Variants in RAD51B observed in about 807,000 individuals in gnomAD.
RAD51B encodes the protein DNA repair protein RAD51 homolog 2.
RAD51B carries 38 observed loss-of-function variants against 42.2 expected under a neutral mutation model. That is an observed-to-expected ratio of 0.90 (90% confidence interval 0.70 to 1.18). The LOEUF (loss-of-function observed/expected upper bound fraction) is 1.18. Among genes scored for constraint, RAD51B ranks in the 50% most tolerant of loss-of-function variants. The pLI is 0.00. For synonymous variants in RAD51B, 154 were observed against 145.2 expected (o/e 1.06, Z -0.43); for missense variants, 373 against 400.7 (o/e 0.93, Z 0.59).
intron 7 of RAD51B, among the ~76,000 whole-genome samples, chr14:68,230,994 G>C (rs1303893095): frequency 6.6e-6 from 1 of 152,184 alleles, no homozygotes; most frequent in Non-Finnish European, 1.5e-5. Flanking sequence ...GAGTTGTGTA[G>C]ACTGACAGGA....
intron 8 of RAD51B, among the ~76,000 whole-genome samples, chr14:68,348,052 A>C (rs551827054): frequency 6.6e-6 from 1 of 152,160 alleles, no homozygotes; most frequent in Admixed American, 6.5e-5. Flanking sequence ...TTGGCACCCA[A>C]TGGTACCAAG....
chr14:68,543,677 C>T (rs889772804), intron 10 of RAD51B, among the ~76,000 whole-genome samples: 1 of 152,194 alleles, frequency 6.6e-6, no homozygotes, highest in Non-Finnish European at 1.5e-5. Flanking sequence ...TGTTTTGGCC[C>T]ACAGCTTCGA....
At chr14:68,071,571 TG>T (rs1293109659) in intron 7 of RAD51B, among the ~76,000 whole-genome samples, 1 of 152,170 alleles carries the variant, frequency 6.6e-6, no homozygotes, top group African/African-American at 2.4e-5. Context: ...TATTGATTTG[TG>T]TATGTTAAAC....
intron 8 of RAD51B, among the ~76,000 whole-genome samples, chr14:68,399,181 G>C (rs530931255): frequency 1.6e-4 from 25 of 151,910 alleles, no homozygotes; most frequent in African/African-American, 5.6e-4. Flanking sequence ...GGGGGGGAAG[G>C]AGAGTTCAAA....
At chr14:68,448,388 C>T (rs1010720665) in intron 9 of RAD51B, among the ~76,000 whole-genome samples, 2 of 152,142 alleles carry the variant, frequency 1.3e-5, no homozygotes, top group African/African-American at 4.8e-5. Flanking sequence ...AGCAAGGAAG[C>T]GAGTGTTTTT....
intron 10 of RAD51B, among the ~76,000 whole-genome samples, chr14:68,642,978 T>C (rs1595043637): frequency 7.8e-6 from 1 of 128,602 alleles, no homozygotes; most frequent in Admixed American, 7.7e-5. Context: ...TGATTTCTAT[T>C]ATTTTAAATA....
chr14:68,459,291 G>A (rs982172245), intron 9 of RAD51B, among the ~76,000 whole-genome samples: 3 of 152,166 alleles, frequency 2.0e-5, no homozygotes, highest in Non-Finnish European at 2.9e-5. Context: ...AGACTAACTG[G>A]TTTGTTTGCC....
At chr14:68,124,339 A>T (rs1305557003) in intron 7 of RAD51B, among the ~76,000 whole-genome samples, 4 of 152,186 alleles carry the variant, frequency 2.6e-5, no homozygotes, top group African/African-American at 9.7e-5. Flanking sequence ...GCACAATAGT[A>T]TTGGTACCTG....
chr14:68,073,527 G>C (rs2076786865), intron 7 of RAD51B, among the ~76,000 whole-genome samples: 1 of 152,054 alleles, frequency 6.6e-6, no homozygotes, highest in Non-Finnish European at 1.5e-5. Flanking sequence ...TTTTCTTCAT[G>C]GTTAATATTG....
intron 9 of RAD51B, among the ~76,000 whole-genome samples, chr14:68,434,450 C>T (rs1266463956): frequency 1.3e-5 from 2 of 152,218 alleles, no homozygotes; most frequent in Admixed American, 1.3e-4. Flanking sequence ...ATGGCAGGTG[C>T]CTCTCCCCCA....
chr14:68,367,595 A>G (rs2083168907), intron 8 of RAD51B, among the ~76,000 whole-genome samples: 1 of 152,208 alleles, frequency 6.6e-6, no homozygotes, highest in Admixed American at 6.5e-5. Context: ...AGTGGGGAAA[A>G]TCCAGAGGAG....
At chr14:68,601,654 C>A (rs1891223195) in intron 10 of RAD51B, among the ~76,000 whole-genome samples, 1 of 152,134 alleles carries the variant, frequency 6.6e-6, no homozygotes, top group South Asian at 2.1e-4. Context: ...CTCAGCTCTG[C>A]CGCCATTCAT....
intron 7 of RAD51B, among the ~76,000 whole-genome samples, chr14:67,910,111 AT>A (rs1307662207): frequency 2.0e-5 from 3 of 152,124 alleles, no homozygotes; most frequent in African/African-American, 7.2e-5. Flanking sequence ...TTTCTTCAAC[AT>A]TTTAGCCTTT....
chr14:68,091,734 G>T (rs12881227), intron 7 of RAD51B, among the ~76,000 whole-genome samples: 43 of 152,182 alleles, frequency 2.8e-4, no homozygotes, highest in African/African-American at 9.9e-4. Context: ...TGGCTTTTGT[G>T]GCCATTGCTT....
chr14:68,052,198 C>A (rs1481285476), intron 7 of RAD51B, among the ~76,000 whole-genome samples: 1 of 152,084 alleles, frequency 6.6e-6, no homozygotes, highest in African/African-American at 2.4e-5. Flanking sequence ...CATTCTATAC[C>A]AGAAATCTCT....
intron 8 of RAD51B, among the ~76,000 whole-genome samples, chr14:68,328,669 G>A (rs1213260001): frequency 6.6e-6 from 1 of 151,968 alleles, no homozygotes; most frequent in Non-Finnish European, 1.5e-5. Context: ...CTGAACTTGG[G>A]TCAGACCAAA....
chr14:67,932,134 C>T (rs1367428940), intron 7 of RAD51B, among the ~76,000 whole-genome samples: 1 of 152,156 alleles, frequency 6.6e-6, no homozygotes, highest in Non-Finnish European at 1.5e-5. Context: ...CTCCCTCCCT[C>T]CTACCTCATG....
intron 7 of RAD51B, among the ~76,000 whole-genome samples, chr14:68,241,748 G>T (rs1025229460): frequency 2.0e-5 from 3 of 151,984 alleles, no homozygotes; most frequent in African/African-American, 7.3e-5. Flanking sequence ...GCTCATGTAT[G>T]TTTTGTCTAC....
chr14:68,335,639 G>A (rs1338199496), intron 8 of RAD51B, among the ~76,000 whole-genome samples: 2 of 152,186 alleles, frequency 1.3e-5, no homozygotes, highest in Non-Finnish European at 2.9e-5. Context: ...TAGCATTTCA[G>A]AGAGTTGGAA....
Sources: allele counts gnomAD v4.1 joint callset (sites outside exome capture counted in the v4.1 genomes callset), GRCh38; gene constraint gnomAD v4.1.1; transcripts MANE v1.5; gene names NCBI Gene and HGNC (gene_info 2026-07-23, HGNC 2026-07-21).